Variants in PRKAG2 observed in about 807,000 individuals in gnomAD.
The protein encoded by PRKAG2 is protein kinase AMP-activated non-catalytic subunit gamma 2.
In PRKAG2, 26 loss-of-function variants were observed where a neutral mutation model predicts 69.6. The observed-to-expected ratio is 0.37, with a 90% CI of 0.27 to 0.52. The LOEUF is 0.52. PRKAG2 is among the 20% of genes least tolerant of loss of function. The pLI is 0.90. For missense variants in PRKAG2, 557 were observed against 740.0 expected (o/e 0.75, Z 2.87); for synonymous variants, 293 against 285.0 (o/e 1.03, Z -0.28).
At chr7:151,617,894 G>A (rs954759984) in intron 5 of PRKAG2, among the ~76,000 whole-genome samples, 1 of 151,970 alleles carries the variant, frequency 6.6e-6, no homozygotes, top group Non-Finnish European at 1.5e-5. Context: ...ACTTTATTCT[G>A]CATTTAGAAA....
At position 151,771,645 on chromosome 7, in the gene PRKAG2, T is replaced by C. The variant is rs974250647; in HGVS notation, c.466+9507A>G. Reference sequence around the variant, plus strand: ...TTGAGTCATTCGCTTCACTGGTTTGTAAATATCTTTGTACATTAGGGATAT... The same window carrying C: ...TTGAGTCATTCGCTTCACTGGTTTGCAAATATCTTTGTACATTAGGGATAT... On this transcript the variant is annotated intron_variant, in intron 3 of 15. Transcript: ENST00000287878. This position sits in a 1 kb window ranked among gnomAD's most constrained non-coding sequence, Gnocchi z 4.0. Among the ~76,000 whole-genome samples the C allele has an allele frequency of 2.6e-5, 4 of 152,244 alleles. No individual in the cohort carries two copies. The highest frequency in any genetic ancestry group is 7.2e-5 in the African/African-American group (3 of 41,458).
rs1469413298 is a variant in PRKAG2, at chr7:151,777,857, T to G, written c.466+3295A>C. On this transcript the variant is annotated intron_variant, in intron 3 of 15. Transcript: ENST00000287878. The surrounding 1 kb of genome is among the most constrained non-coding windows in gnomAD (Gnocchi z 4.3). ...GTGAGATGAATGAAAGACCACAGAT[T>G]AGGATTATGGGAGGGGCCTGAACCG... Among the ~76,000 whole-genome samples the G allele has an allele frequency of 1.3e-5, 2 of 152,084 alleles. No individual in the cohort carries two copies. The highest frequency in any genetic ancestry group is 2.9e-5 in the Non-Finnish European group (2 of 68,000).
At position 151,597,681 on chromosome 7, in the gene PRKAG2, T is replaced by C. The variant is rs374994720; in HGVS notation, c.755-2227A>G. On this transcript the variant is annotated intron_variant, in intron 5 of 15. Coordinates refer to ENST00000287878, the MANE Select transcript of PRKAG2 (RefSeq NM_016203.4). The stretch of plus-strand genomic sequence containing the variant: ...AATGGCCAACAGGTATATGAAAAAA[T>C]GTCCACCATCGCTAGTCACTGGAGA... 2.4e-4 allele frequency among the ~76,000 whole-genome samples: 36 copies of C among 152,054 alleles called. No homozygotes were observed. In the East Asian group the frequency reaches 6.6e-3, roughly 28 times the overall value.
intron 1 of PRKAG2, chr7:151,790,564 TC>T (rs1235162094): frequency 6.6e-6 from 1 of 152,188 alleles, no homozygotes; most frequent in African/African-American, 2.4e-5. Flanking sequence ...TTGAATTAAC[TC>T]CCCGACCAAG....
chr7:151,876,674 T>C lies in PRKAG2; in HGVS notation c.-54A>G, dbSNP rs2080414028. 6.5e-7 allele frequency: 1 copy of C among 1,535,564 alleles called. No individual in the cohort carries two copies. The highest frequency in any genetic ancestry group is 1.1e-5 in the South Asian group (1 of 89,434). On this transcript the variant is annotated 5_prime_UTR_variant, in exon 1 of 16. Transcript: ENST00000287878. Reference sequence around the variant, plus strand: ...ACTCCTCGGGGGTTCGGTCCCCTCCTTCCCTCCCCCGGCCGCTGCCTTCGG... The same window carrying C: ...ACTCCTCGGGGGTTCGGTCCCCTCCCTCCCTCCCCCGGCCGCTGCCTTCGG...
intron 3 of PRKAG2, among the ~76,000 whole-genome samples, chr7:151,762,336 G>A (rs1104839): frequency 0.046 from 6,998 of 152,244 alleles, 511 homozygotes; most frequent in African/African-American, 0.16. Context: ...AGGAGGCTTG[G>A]CTATCTCACA....
chr7:151,744,437 T>C (rs754923109), intron 3 of PRKAG2, among the ~76,000 whole-genome samples: 17 of 152,134 alleles, frequency 1.1e-4, no homozygotes, highest in Non-Finnish European at 2.4e-4. Flanking sequence ...ACCACTGCAG[T>C]GGGCATCTGA....
At chr7:151,865,785 C>T (rs558086810) in intron 1 of PRKAG2, among the ~76,000 whole-genome samples, 1,538 of 152,176 alleles carry the variant, frequency 0.01, 12 homozygotes, top group Middle Eastern at 0.027. Flanking sequence ...TTTGGGAGGC[C>T]AAGGCGGGCG....
At chr7:151,619,905 C>T (rs1408506378) in intron 5 of PRKAG2, among the ~76,000 whole-genome samples, 1 of 152,168 alleles carries the variant, frequency 6.6e-6, no homozygotes, top group Admixed American at 6.5e-5. Flanking sequence ...CCTGTAATCC[C>T]AGCTACTCGG....
chr7:151,677,290 G>T (rs758498637), intron 3 of PRKAG2, among the ~76,000 whole-genome samples: 2 of 152,096 alleles, frequency 1.3e-5, no homozygotes, highest in Non-Finnish European at 2.9e-5. Flanking sequence ...GGGTTCAAGC[G>T]ATTCTCCTGC....
chr7:151,876,756 G>A lies in PRKAG2; in HGVS notation c.-136C>T, dbSNP rs2080415203. On this transcript the variant is annotated 5_prime_UTR_variant, in exon 1 of 16. Transcript: ENST00000287878. ...GCCACCTCGTGGGGACTTCCGCGGA[G>A]AGGGAGGGTGAGCAGGGAACTCGCG... 1 of 847,882 alleles carries A rather than the reference G, an allele frequency of 1.2e-6. No homozygotes were observed. The highest frequency in any genetic ancestry group is 1.7e-5 in the African/African-American group (1 of 59,370). 52.5% of individuals were successfully genotyped at this position (847,882 alleles called of 1,614,324 possible).
intron 1 of PRKAG2, among the ~76,000 whole-genome samples, chr7:151,805,258 C>G (rs1208476254): frequency 6.6e-6 from 1 of 152,124 alleles, no homozygotes; most frequent in African/African-American, 2.4e-5. Flanking sequence ...GCACCAAGAC[C>G]ACCATGTTAT....
chr7:151,801,189 T>A (rs995023363), intron 1 of PRKAG2, among the ~76,000 whole-genome samples: 1 of 152,164 alleles, frequency 6.6e-6, no homozygotes, highest in Admixed American at 6.5e-5. Context: ...TCTTCCTGTA[T>A]CCACGGCTCC....
intron 1 of PRKAG2, among the ~76,000 whole-genome samples, chr7:151,853,754 C>T (rs1269150126): frequency 1.1e-4 from 10 of 89,704 alleles, no homozygotes; most frequent in South Asian, 3.8e-4. Context: ...AGTGAGACTC[C>T]GTCTCAAAAA....
chr7:151,813,823 C>T (rs963828417), intron 1 of PRKAG2, among the ~76,000 whole-genome samples: 1 of 152,220 alleles, frequency 6.6e-6, no homozygotes, highest in African/African-American at 2.4e-5. Context: ...CGTTGGGCTC[C>T]ACGCTCCGCA....
At chr7:151,783,198 C>A (rs990160733) in intron 2 of PRKAG2, among the ~76,000 whole-genome samples, 5 of 152,242 alleles carry the variant, frequency 3.3e-5, no homozygotes, top group Non-Finnish European at 4.4e-5. Context: ...CCTCTCCAGC[C>A]GAAAGAGCCG....
chr7:151,819,998 G>T (rs1386410898), intron 1 of PRKAG2, among the ~76,000 whole-genome samples: 1 of 152,222 alleles, frequency 6.6e-6, no homozygotes, highest in Non-Finnish European at 1.5e-5. Context: ...TCCTTAGAGG[G>T]CCAAGGCTAA....
intron 5 of PRKAG2, among the ~76,000 whole-genome samples, chr7:151,622,904 T>A (rs1821874039): frequency 6.6e-6 from 1 of 152,086 alleles, no homozygotes; most frequent in African/African-American, 2.4e-5. Flanking sequence ...TCCCAGGCCC[T>A]CTAATGCAGC....
chr7:151,796,920 G>A lies in PRKAG2; in HGVS notation c.115-10379C>T, dbSNP rs1041187995. ...CATTATGATTCTACCAAGACAGGGT[G>A]TGAAAAGGCCAGCTCTGGGGTTCTG... On this transcript the variant is annotated intron_variant, in intron 1 of 15. Coordinates refer to ENST00000287878, the MANE Select transcript of PRKAG2 (RefSeq NM_016203.4). 1.6e-4 allele frequency among the ~76,000 whole-genome samples: 25 copies of A among 152,206 alleles called. No homozygotes were observed. In the East Asian group the frequency reaches 2.5e-3, roughly 15 times the overall value.
Sources: gnomAD v4.1 joint callset for allele counts (sites outside exome capture counted in the v4.1 genomes callset) on GRCh38, gnomAD v4.1.1 for gene constraint, Gnocchi (gnomAD v3.1) non-coding constraint, MANE v1.5 for transcripts, NCBI Gene and HGNC (gene_info 2026-07-23, HGNC 2026-07-21) for gene names.